Variants in HS3ST6 observed in about 807,000 individuals in gnomAD.
HS3ST6 encodes heparan sulfate glucosamine 3-O-sulfotransferase 6.
HS3ST6 carries 13 observed loss-of-function variants against 11.0 expected under a neutral mutation model. That is an observed-to-expected ratio of 1.18 (90% CI 0.77 to 1.88). The LOEUF is 1.88. HS3ST6 is among the 40% of genes most tolerant of loss of function. The pLI, the probability that HS3ST6 is intolerant of heterozygous loss-of-function variation, is 0.00. For missense variants in HS3ST6, 541 were observed against 494.4 expected (o/e 1.09, Z -0.89); for synonymous variants, 232 against 230.6 (o/e 1.01, Z -0.06).
chr16:1,917,956 G>A lies in HS3ST6; in HGVS notation c.368C>T (p.Pro123Leu), dbSNP rs763930359. Residue 123 changes from proline (P) to leucine (L), a missense_variant, in exon 1 of 2, where the codon CCC becomes CTC. By Grantham distance (98) the Pro-to-Leu change is moderately conservative. Transcript: ENST00000454677. ...CTCGTAGCACCTGTCGAAGAAGTGGGGCTCAGAGCCCAGCGCGCGGACGTC... is the reference window on the plus strand; with the variant it reads ...CTCGTAGCACCTGTCGAAGAAGTGGAGCTCAGAGCCCAGCGCGCGGACGTC... ...HPDVRALGSE[P>L]HFFDRCYERG... is the part of the protein sequence containing the mutation. 6.6e-7 allele frequency: 1 copy of A among 1,518,244 alleles called. No homozygotes were observed. The highest frequency in any genetic ancestry group is 1.2e-5 in the South Asian group (1 of 81,376). 94.0% of individuals were successfully genotyped at this position (1,518,244 alleles called of 1,614,324 possible).
intron 1 of HS3ST6, among the ~76,000 whole-genome samples, chr16:1,913,572 G>A (rs1177219675): frequency 2.0e-5 from 3 of 152,178 alleles, no homozygotes; most frequent in Non-Finnish European, 2.9e-5. Flanking sequence ...CTGGGAACTA[G>A]GTCGATAGAA....
In HS3ST6 at chr16:1,911,647, G is replaced by A; in HGVS notation, c.972C>T (p.Tyr324=). Residue 324 remains tyrosine, a synonymous_variant, in exon 2 of 2, where the codon TAC becomes TAT. Transcript: ENST00000454677. ...GGTAGAACCTGCGGTTGAAGGGCCG[G>A]TAGAACTCCTGCAGGCGCCGGACCA... ...QALVRRLQEF[Y]RPFNRRFYQM... 1 of 1,610,034 alleles carries A rather than the reference G, an allele frequency of 6.2e-7. No homozygotes were observed. The highest frequency in any genetic ancestry group is 1.3e-5 in the African/African-American group (1 of 74,978).
In HS3ST6 at chr16:1,911,591, C is replaced by T. The variant is rs1442865868; in HGVS notation, c.1028G>A (p.Ter343=). 2 of 1,594,958 alleles carry T rather than the reference C, an allele frequency of 1.3e-6. No homozygotes were observed. The highest frequency in any genetic ancestry group is 1.7e-6 in the Non-Finnish European group (2 of 1,171,084). The change falls in exon 2 of 2, where the codon TGA becomes TAA. Residue 343 remains the stop codon, a stop_retained_variant. Transcript: ENST00000454677. ...TGCTGAGCATCCCCAGGGTGCCGCTCAGCCCCAGCCGAAGTCCTGGCCCGT... is the reference window on the plus strand; with the variant it reads ...TGCTGAGCATCCCCAGGGTGCCGCTTAGCCCCAGCCGAAGTCCTGGCCCGT... ...QMTGQDFGWG[*] is the part of the protein sequence containing the mutation.
At chr16:1,920,644 G>A (rs969938908), upstream of HS3ST6, among the ~76,000 whole-genome samples, 59 of 151,920 alleles carry the variant, frequency 3.9e-4, no homozygotes, top group Non-Finnish European at 6.0e-4. Context: ...TTTCCAGGAG[G>A]AATTGACCAG....
Position 1,911,956 on chromosome 16 carries a change from G to A in HS3ST6, c.663C>T (p.Ser221=), listed in dbSNP as rs762482429. 6.4e-6 allele frequency: 10 copies of A among 1,570,634 alleles called. No homozygotes were observed. The highest frequency in any genetic ancestry group is 2.4e-5 in the South Asian group (2 of 84,240). The change falls in exon 2 of 2, where the codon AGC becomes AGT. Residue 221 remains serine (S), a synonymous_variant. Transcript: ENST00000454677. ...GGGCGTACAGGCCGATGCGGACGGC[G>A]CTCCAGGCTGTGTCCACGGGGCCCA... ...HGLGPVDTAW[S]AVRIGLYAQH... is the part of the protein sequence containing the mutation.
upstream of HS3ST6, among the ~76,000 whole-genome samples, chr16:1,918,870 C>T (rs2082945981): frequency 1.3e-5 from 2 of 152,204 alleles, no homozygotes; most frequent in Non-Finnish European, 2.9e-5. The surrounding 1 kb of genome is among the most constrained non-coding windows in gnomAD (Gnocchi z 6.0). Flanking sequence ...GATCCGGGCA[C>T]TCGGCCTGCC....
At chr16:1,915,891 G>A (rs556259698) in intron 1 of HS3ST6, among the ~76,000 whole-genome samples, 2 of 144,092 alleles carry the variant, frequency 1.4e-5, no homozygotes, top group South Asian at 2.4e-4. Flanking sequence ...GTCACCGCCT[G>A]GAACTAGGTC....
chr16:1,918,841 G>T (rs2082945786), upstream of HS3ST6, among the ~76,000 whole-genome samples: 1 of 152,190 alleles, frequency 6.6e-6, no homozygotes, highest in Non-Finnish European at 1.5e-5. This position sits in a 1 kb window ranked among gnomAD's most constrained non-coding sequence, Gnocchi z 6.0. Flanking sequence ...CCAGGCCAAG[G>T]GGACCCAGGA....
chr16:1,919,460 A>C (rs1440887042), upstream of HS3ST6, among the ~76,000 whole-genome samples: 1 of 152,170 alleles, frequency 6.6e-6, no homozygotes, highest in Non-Finnish European at 1.5e-5. Context: ...CCCCATCCGA[A>C]GGCAAAGGTG....
chr16:1,911,840 A>G lies in HS3ST6; in HGVS notation c.779T>C (p.Val260Ala). ...ERLVSDPAGE[V>A]GRVQDFLGLK... ...GCCCAGGAAGTCCTGCACGCGGCCGACCTCTCCGGCCGGGTCGCTGACCAG... is the reference window on the plus strand; with the variant it reads ...GCCCAGGAAGTCCTGCACGCGGCCGGCCTCTCCGGCCGGGTCGCTGACCAG... The change falls in exon 2 of 2, where the codon GTC (valine) becomes GCC (alanine). Residue 260 changes from valine to alanine, a missense_variant. Transcript: ENST00000454677. 6.2e-7 allele frequency: 1 copy of G among 1,612,222 alleles called. No homozygotes were observed. Among genetic ancestry groups the G allele is most frequent in the Non-Finnish European group, 8.5e-7 (1 of 1,179,002 alleles).
chr16:1,911,802 C>CGACCCGTTTCAGGCCCAG lies in HS3ST6; in HGVS notation c.799_816dup (p.Leu267_Val272dup), dbSNP rs769557308. The CGACCCGTTTCAGGCCCAG allele has an allele frequency of 1.2e-6, 2 of 1,613,876 alleles. No individual in the cohort carries two copies. The highest frequency in any genetic ancestry group is 2.2e-5 in the South Asian group (2 of 91,080). On this transcript the variant is annotated inframe_insertion, in exon 2 of 2. Transcript: ENST00000454677. ...TTGAAGTAGAAGTGCTTGTCCGTGACGACCCGTTTCAGGCCCAGGAAGTCC... is the reference window on the plus strand; with the variant it reads ...TTGAAGTAGAAGTGCTTGTCCGTGACGACCCGTTTCAGGCCCAGGACCCGTTTCAGGCCCAGGAAGTCC...
upstream of HS3ST6, among the ~76,000 whole-genome samples, chr16:1,918,874 G>A (rs1454415492): frequency 6.6e-6 from 1 of 152,200 alleles, no homozygotes; most frequent in Non-Finnish European, 1.5e-5. The surrounding 1 kb of genome is among the most constrained non-coding windows in gnomAD (Gnocchi z 6.0). Flanking sequence ...CGGGCACTCG[G>A]CCTGCCAAGG....
At chr16:1,913,196 C>A (rs1441451831) in intron 1 of HS3ST6, among the ~76,000 whole-genome samples, 1 of 152,224 alleles carries the variant, frequency 6.6e-6, no homozygotes, top group Admixed American at 6.5e-5. Context: ...TGAGGAAAGT[C>A]GGAGACGTGG....
rs766625037 is a variant in HS3ST6, at chr16:1,912,215, G to A, written c.414-10C>T. ...TCGGGGCATCAGACTCCTGCGGGAC[G>A]GGTGCAAGGAGAGGGGGCCTGAGCC... On this transcript the variant is annotated splice_polypyrimidine_tract_variant and intron_variant, in intron 1 of 1. Transcript: ENST00000454677. The surrounding 1 kb of genome is among the most constrained non-coding windows in gnomAD (Gnocchi z 5.6). 1.4e-5 allele frequency: 20 copies of A among 1,400,250 alleles called. No homozygotes were observed. The highest frequency in any genetic ancestry group is 1.9e-4 in the Middle Eastern group (1 of 5,210). 86.7% of individuals were successfully genotyped at this position (1,400,250 alleles called of 1,614,324 possible).
Position 1,917,970 on chromosome 16 carries a change from C to A in HS3ST6, c.354G>T (p.Ala118=). The A allele has an allele frequency of 6.6e-7, 1 of 1,525,456 alleles. No individual in the cohort carries two copies. 94.5% of individuals were successfully genotyped at this position (1,525,456 alleles called of 1,614,324 possible). A position where few individuals can be genotyped will look rare whatever the true frequency, so the allele number is the denominator to read the frequency against. The change falls in exon 1 of 2, where the codon GCG becomes GCT. Residue 118 remains alanine (A), a synonymous_variant. Transcript: ENST00000454677. ...EFLRLHPDVR[A]LGSEPHFFDR... is the part of the protein sequence containing the mutation. ...CGAAGAAGTGGGGCTCAGAGCCCAG[C>A]GCGCGGACGTCGGGGTGCAGCCGCA...
chr16:1,918,680 C>T (rs2082944485), upstream of HS3ST6, among the ~76,000 whole-genome samples: 1 of 151,916 alleles, frequency 6.6e-6, no homozygotes, highest in Non-Finnish European at 1.5e-5. The surrounding 1 kb of genome is among the most constrained non-coding windows in gnomAD (Gnocchi z 6.0). Flanking sequence ...GCGGCGGTGG[C>T]CGTTCGGGAC....
chr16:1,913,432 G>C (rs141890316), intron 1 of HS3ST6, among the ~76,000 whole-genome samples: 24 of 152,162 alleles, frequency 1.6e-4, no homozygotes, highest in Non-Finnish European at 2.6e-4. Flanking sequence ...TGCCCAGCCC[G>C]GGCAGGCCCA....
chr16:1,915,739 C>T (rs997348607), intron 1 of HS3ST6, among the ~76,000 whole-genome samples: 1 of 152,222 alleles, frequency 6.6e-6, no homozygotes, highest in Non-Finnish European at 1.5e-5. Context: ...GTGCTGAGCT[C>T]GGGGGCACTA....
intron 1 of HS3ST6, among the ~76,000 whole-genome samples, chr16:1,915,761 T>G (rs982734657): frequency 6.6e-6 from 1 of 152,022 alleles, no homozygotes; most frequent in Admixed American, 6.6e-5. Flanking sequence ...TGGGCTACAG[T>G]CCCCAAGTGG....
Sources: allele counts gnomAD v4.1 joint callset (sites outside exome capture counted in the v4.1 genomes callset), GRCh38; gene constraint gnomAD v4.1.1; non-coding constraint Gnocchi (gnomAD v3.1); transcripts MANE v1.5; gene names NCBI Gene and HGNC (gene_info 2026-07-23, HGNC 2026-07-21).